The following CCDC170 variants were observed in gnomAD, a reference collection of about 807,000 sequenced individuals.
CCDC170 encodes coiled-coil domain-containing protein 170.
CCDC170 carries 69 observed loss-of-function variants against 72.6 expected under a neutral mutation model. The ratio of observed to expected loss-of-function variants is 0.95; its 90% CI spans 0.78 to 1.16. The LOEUF (loss-of-function observed/expected upper bound fraction) is 1.16. Ranked by LOEUF, CCDC170 falls within the 50% of genes most tolerant of loss-of-function variation. The pLI is 0.00. For missense variants in CCDC170, 852 were observed against 832.5 expected, an observed-to-expected ratio of 1.02 and a Z score of -0.29; for synonymous variants, 300 against 303.9, an observed-to-expected ratio of 0.99 and a Z score of 0.13.
intron 6 of CCDC170, among the ~76,000 whole-genome samples, chr6:151,582,983 G>A (rs1378281504): frequency 7.2e-6 from 1 of 138,678 alleles, no homozygotes. Flanking sequence ...TACTGGAGTA[G>A]CACTTTTTTT....
At chr6:151,550,593 T>C (rs925580554) in intron 5 of CCDC170, among the ~76,000 whole-genome samples, 2 of 152,220 alleles carry the variant, frequency 1.3e-5, no homozygotes, top group Non-Finnish European at 2.9e-5. Context: ...TTGTTGTCAA[T>C]GCCCTCATTG....
intron 1 of CCDC170, among the ~76,000 whole-genome samples, chr6:151,523,455 G>T (rs1310558920): frequency 6.6e-6 from 1 of 152,162 alleles, no homozygotes; most frequent in African/African-American, 2.4e-5. Flanking sequence ...GGAGGCTGAG[G>T]TGGGTGGATC....
intron 5 of CCDC170, among the ~76,000 whole-genome samples, chr6:151,561,817 A>T (rs951196079): frequency 2.6e-5 from 4 of 152,110 alleles, no homozygotes; most frequent in African/African-American, 4.8e-5. Flanking sequence ...TCCAAATTGT[A>T]TACTACTTTT....
At chr6:151,553,012 C>T (rs1483987141) in intron 5 of CCDC170, among the ~76,000 whole-genome samples, 1 of 151,936 alleles carries the variant, frequency 6.6e-6, no homozygotes, top group Non-Finnish European at 1.5e-5. Flanking sequence ...GTCTCGAACT[C>T]CTGACTTCAA....
chr6:151,552,396 G>A (rs905659179), intron 5 of CCDC170, among the ~76,000 whole-genome samples: 1 of 152,100 alleles, frequency 6.6e-6, no homozygotes, highest in Admixed American at 6.6e-5. Context: ...ACCTAGTGAT[G>A]TTAGCATACG....
chr6:151,593,830 T>C (rs1185040444), intron 8 of CCDC170, among the ~76,000 whole-genome samples: 2 of 152,198 alleles, frequency 1.3e-5, no homozygotes, highest in African/African-American at 4.8e-5. Flanking sequence ...TTATATCCCA[T>C]GGCCAGAATA....
chr6:151,562,118 G>GA (rs1399878541), intron 5 of CCDC170, among the ~76,000 whole-genome samples: 1 of 151,904 alleles, frequency 6.6e-6, no homozygotes, highest in East Asian at 1.9e-4. Flanking sequence ...TTCATATCCT[G>GA]AATCATTTTT....
intron 5 of CCDC170, among the ~76,000 whole-genome samples, chr6:151,568,948 G>A (rs1776179040): frequency 6.6e-6 from 1 of 152,064 alleles, no homozygotes; most frequent in African/African-American, 2.4e-5. Flanking sequence ...CTCAGGACTG[G>A]AACTTCAGGG....
intron 5 of CCDC170, among the ~76,000 whole-genome samples, chr6:151,557,024 A>T (rs1350167842): frequency 6.6e-6 from 1 of 152,028 alleles, no homozygotes; most frequent in African/African-American, 2.4e-5. Flanking sequence ...CAACATAATG[A>T]CCTCTCATTC....
chr6:151,615,743 A>G, intron 10 of CCDC170, 64 bp downstream of exon 10: 5 of 1,111,698 alleles, frequency 4.5e-6, no homozygotes, highest in Non-Finnish European at 6.7e-6. Flanking sequence ...AGAGCTTGAT[A>G]TTAATACTTA....
chr6:151,556,275 G>A (rs1213630475), intron 5 of CCDC170, among the ~76,000 whole-genome samples: 2 of 152,086 alleles, frequency 1.3e-5, no homozygotes, highest in African/African-American at 4.8e-5. Context: ...GGTCAACATG[G>A]TGAAACCCCA....
intron 6 of CCDC170, among the ~76,000 whole-genome samples, chr6:151,573,884 A>G (rs1776265287): frequency 6.6e-6 from 1 of 152,194 alleles, no homozygotes; most frequent in Non-Finnish European, 1.5e-5. Context: ...GGGAGCTACA[A>G]TTCAAGATGA....
intron 6 of CCDC170, among the ~76,000 whole-genome samples, chr6:151,581,662 C>T (rs563678987): frequency 6.6e-6 from 1 of 152,268 alleles, no homozygotes; most frequent in East Asian, 1.9e-4. Context: ...TTACTTTGCC[C>T]AGATCCATCA....
intron 7 of CCDC170, among the ~76,000 whole-genome samples, chr6:151,588,362 T>C (rs1275650842): frequency 6.6e-6 from 1 of 151,962 alleles, no homozygotes; most frequent in Non-Finnish European, 1.5e-5. Context: ...AAAACAACCA[T>C]GCATAATTTT....
intron 5 of CCDC170, among the ~76,000 whole-genome samples, chr6:151,558,734 T>C (rs1438873402): frequency 6.6e-6 from 1 of 152,180 alleles, no homozygotes; most frequent in Non-Finnish European, 1.5e-5. Flanking sequence ...GGTTTCTTTA[T>C]TCTGTTCCAT....
intron 5 of CCDC170, among the ~76,000 whole-genome samples, chr6:151,565,585 A>G (rs2115079097): frequency 6.6e-6 from 1 of 152,122 alleles, no homozygotes; most frequent in East Asian, 1.9e-4. Context: ...TTGCTGATCT[A>G]TTCAAACTGT....
At chr6:151,499,455 C>G (rs370613036) in intron 1 of CCDC170, among the ~76,000 whole-genome samples, 37 of 129,504 alleles carry the variant, frequency 2.9e-4, no homozygotes, top group Middle Eastern at 4.3e-3. Flanking sequence ...TCTAGGCACG[C>G]TGTATAAGTG....
At chr6:151,608,077 A>T (rs1562298450) in intron 9 of CCDC170, among the ~76,000 whole-genome samples, 2 of 152,074 alleles carry the variant, frequency 1.3e-5, no homozygotes, top group African/African-American at 4.8e-5. Context: ...CAGGTTTAGA[A>T]ATTATTTCTT....
chr6:151,546,997 G>GAAA lies in CCDC170; in HGVS notation c.589-1295_589-1293dup, dbSNP rs34984012. ...CGTGAGCAGGTGCCTGTCTTAAGAA[G>GAAA]AAAAAAAAAAAAAATTGGCCCAGAT... On this transcript the variant is annotated intron_variant, in intron 4 of 10. Coordinates refer to ENST00000239374, the MANE Select transcript of CCDC170 (RefSeq NM_025059.4). 1.2e-3 allele frequency among the ~76,000 whole-genome samples: 175 copies of GAAA among 148,692 alleles called. 1 individual carries two copies. The highest frequency in any genetic ancestry group is 3.5e-3 in the African/African-American group (143 of 40,480).
Sources: gnomAD v4.1 joint callset for allele counts (sites outside exome capture counted in the v4.1 genomes callset) on GRCh38, gnomAD v4.1.1 for gene constraint, MANE v1.5 for transcripts, NCBI Gene and HGNC (gene_info 2026-07-23, HGNC 2026-07-21) for gene names.